TBC1D8B: variants seen among roughly 807,000 people sequenced by gnomAD.
TBC1D8B encodes the protein RP11-321G1.1.
TBC1D8B carries 75 observed loss-of-function variants against 82.9 expected under a neutral mutation model. The observed-to-expected ratio is 0.90, with a 90% CI of 0.75 to 1.10. TBC1D8B has a LOEUF of 1.10. TBC1D8B is among the 50% of genes least tolerant of loss of function. The probability of loss-of-function intolerance (pLI) is 0.00; values close to 1 mark genes in which losing one functional copy is unlikely to be tolerated. For missense variants in TBC1D8B, 794 were observed against 796.9 expected (o/e 1.00, Z 0.04); for synonymous variants, 276 against 276.8 (o/e 1.00, Z 0.03).
intron 14 of TBC1D8B, among the ~76,000 whole-genome samples, chrX:106,854,929 A>G (rs1173818577): frequency 5.3e-5 from 6 of 112,331 alleles, no homozygotes; most frequent in Non-Finnish European, 1.1e-4. Context: ...AATGAATATT[A>G]TTATCCTTGG....
At chrX:106,862,779 T>G (rs953010619) in intron 14 of TBC1D8B, among the ~76,000 whole-genome samples, 1 of 92,498 alleles carries the variant, frequency 1.1e-5, no homozygotes, top group Non-Finnish European at 2.1e-5. Context: ...TTTTTTTGTT[T>G]TTTTTTTTTT....
rs1342167978 is a variant in TBC1D8B at position 106,853,591 on chromosome X, G to A, written c.2194G>A (p.Asp732Asn). ...SNVQQGSNVS[D>N]EKTSHTRVDI... ...TGTTCAGCAAGGTTCAAATGTGAGTGATGAAAAAACCAGTCATACTAGAGT... is the reference window on the plus strand; with the variant it reads ...TGTTCAGCAAGGTTCAAATGTGAGTAATGAAAAAACCAGTCATACTAGAGT... Residue 732 changes from aspartate (D) to asparagine (N), a missense_variant, in exon 13 of 21, where the codon GAT becomes AAT. Coordinates refer to ENST00000357242, the MANE Select transcript of TBC1D8B (RefSeq NM_017752.3). 5.8e-6 allele frequency: 7 copies of A among 1,207,309 alleles called. No homozygotes were observed. The African/African-American group carries it at 1.2e-4, about 21-fold the overall frequency.
chrX:106,813,014 T>G (rs1278285948), intron 1 of TBC1D8B, among the ~76,000 whole-genome samples: 1 of 110,546 alleles, frequency 9.0e-6, no homozygotes, highest in African/African-American at 3.3e-5. Flanking sequence ...CCTGCCACCA[T>G]GCCCAGCTAA....
At chrX:106,854,499 C>T (rs1431937081) in intron 14 of TBC1D8B, among the ~76,000 whole-genome samples, 1 of 110,962 alleles carries the variant, frequency 9.0e-6, no homozygotes, top group African/African-American at 3.3e-5. Context: ...CTTTCTCCAA[C>T]ATGTTTTGTA....
chrX:106,868,479 A>G lies in TBC1D8B; in HGVS notation c.2812+3A>G. ...ACTTTATTTCAGTCAGCTGCATGGT[A>G]AATACCTGTTTAAAATGTTAACTGT... On this transcript the variant is annotated splice_donor_region_variant and intron_variant, in intron 18 of 20. Coordinates refer to ENST00000357242, the MANE Select transcript of TBC1D8B (RefSeq NM_017752.3). 1 of 977,082 alleles carries G rather than the reference A, an allele frequency of 1.0e-6. No individual in the cohort carries two copies. Among genetic ancestry groups the G allele is most frequent in the Non-Finnish European group, 1.3e-6 (1 of 760,628 alleles). The allele number at this position is 977,082 out of a possible 1,213,427, so 80.5% of individuals were successfully genotyped here. A position where few individuals can be genotyped will look rare whatever the true frequency, so the allele number is the denominator to read the frequency against.
intron 1 of TBC1D8B, chrX:106,814,224 A>G (rs1048445665): frequency 1.8e-5 from 2 of 111,071 alleles, no homozygotes; most frequent in African/African-American, 6.6e-5. Context: ...TCCATGGTGT[A>G]TATGTGCCAC....
chrX:106,854,130 C>A, intron 13 of TBC1D8B, 68 bp from the exon 14 acceptor site: 1 of 781,436 alleles, frequency 1.3e-6, no homozygotes. Flanking sequence ...TCTGATAAAA[C>A]TGAATTGTAA....
In TBC1D8B at chrX:106,827,298, C is replaced by T. The variant is rs766712957; in HGVS notation, c.1164C>T (p.Cys388=). 30 of 1,210,543 alleles carry T rather than the reference C, an allele frequency of 2.5e-5. No individual in the cohort carries two copies. The highest frequency in any genetic ancestry group is 8.9e-5 in the East Asian group (3 of 33,794). ...EQLVAKLRLR[C]GAASTQYHDI... ...TGGTAGCAAAACTCAGGCTCAGATG[C>T]GGAGCAGCTTCAACTCAATATCATG... The change falls in exon 7 of 21, where the codon TGC becomes TGT. Residue 388 remains cysteine (C), a synonymous_variant. Coordinates refer to ENST00000357242, the MANE Select transcript of TBC1D8B (RefSeq NM_017752.3).
At chrX:106,858,525 G>C (rs1318603734) in intron 14 of TBC1D8B, among the ~76,000 whole-genome samples, 2 of 112,333 alleles carry the variant, frequency 1.8e-5, no homozygotes, top group Admixed American at 1.9e-4. Context: ...ACCCGCCTCA[G>C]CCTCCCAAAG....
At chrX:106,816,266 A>G (rs1193678554) in intron 1 of TBC1D8B, among the ~76,000 whole-genome samples, 1 of 111,446 alleles carries the variant, frequency 9.0e-6, no homozygotes, top group Non-Finnish European at 1.9e-5. Flanking sequence ...ATACACCAAT[A>G]ACAAACAGAG....
At chrX:106,844,907 AT>A (rs1932401027) in intron 10 of TBC1D8B, among the ~76,000 whole-genome samples, 1 of 111,046 alleles carries the variant, frequency 9.0e-6, no homozygotes, top group Admixed American at 9.6e-5. Flanking sequence ...CAATCTCTTT[AT>A]TTATTATAGG....
At chrX:106,852,417 T>G (rs1389212943) in intron 12 of TBC1D8B, among the ~76,000 whole-genome samples, 9 of 108,421 alleles carry the variant, frequency 8.3e-5, no homozygotes, top group Non-Finnish European at 1.2e-4. Context: ...CTCTTTAGTT[T>G]AATTAGATCC....
At chrX:106,839,591 T>A in intron 8 of TBC1D8B, 134 bp downstream of exon 8, 1 of 543,439 alleles carries the variant, frequency 1.8e-6, no homozygotes, top group Non-Finnish European at 2.7e-6. Context: ...CAGGTACTAC[T>A]GTGTAACTTA....
Position 106,823,311 on chromosome X carries a change from C to A in TBC1D8B, c.672C>A (p.Ser224=), listed in dbSNP as rs772217563. Residue 224 remains serine, a synonymous_variant, in exon 5 of 21, where the codon TCC becomes TCA. Transcript: ENST00000357242. ...VILTESIHVC[S]QGENHYFSMF... Reference sequence around the variant, plus strand: ...TGACAGAGAGTATTCACGTGTGTTCCCAAGGAGAGAATCACTACTTTTCAA... The same window carrying A: ...TGACAGAGAGTATTCACGTGTGTTCACAAGGAGAGAATCACTACTTTTCAA... The A allele has an allele frequency of 4.1e-6, 5 of 1,209,876 alleles. No individual in the cohort carries two copies. The highest frequency in any genetic ancestry group is 5.6e-6 in the Non-Finnish European group (5 of 894,489).
intron 1 of TBC1D8B, among the ~76,000 whole-genome samples, chrX:106,811,253 G>A (rs931639466): frequency 4.5e-5 from 5 of 111,907 alleles, no homozygotes; most frequent in African/African-American, 6.5e-5. Flanking sequence ...GGCTGGGCAC[G>A]GTGACCCATG....
intron 1 of TBC1D8B, among the ~76,000 whole-genome samples, chrX:106,807,729 T>C (rs755067277): frequency 4.5e-4 from 50 of 110,879 alleles, no homozygotes; most frequent in Non-Finnish European, 7.9e-4. Context: ...TCCCTAGGTA[T>C]TGCCCTATGG....
In TBC1D8B at chrX:106,866,134, G is replaced by C. The variant is rs1171450107; in HGVS notation, c.2662+101G>C. On this transcript the variant is annotated intron_variant, in intron 16 of 20. Transcript: ENST00000357242. ...TCAGATTATATCACCATGGGTTACA[G>C]TGTGTTTAGCTTTAGTAATAAATGG... 3.5e-6 allele frequency: 3 copies of C among 863,055 alleles called. No homozygotes were observed. The African/African-American group carries it at 6.2e-5, about 18-fold the overall frequency. The allele number at this position is 863,055 out of a possible 1,213,427, so 71.1% of individuals were successfully genotyped here.
intron 10 of TBC1D8B, among the ~76,000 whole-genome samples, chrX:106,845,753 C>T (rs2147757026): frequency 9.0e-6 from 1 of 110,782 alleles, no homozygotes; most frequent in African/African-American, 3.3e-5. Flanking sequence ...TTTTCAAAGC[C>T]CCCACTTTTC....
chrX:106,830,786 C>G (rs780954999), intron 7 of TBC1D8B, among the ~76,000 whole-genome samples: 45 of 69,902 alleles, frequency 6.4e-4, no homozygotes, highest in Non-Finnish European at 1.0e-3. Context: ...CACACTCTGG[C>G]GACTGTGGTG....
Sources: allele counts gnomAD v4.1 joint callset (sites outside exome capture counted in the v4.1 genomes callset), GRCh38; gene constraint gnomAD v4.1.1; transcripts MANE v1.5; gene names NCBI Gene and HGNC (gene_info 2026-07-23, HGNC 2026-07-21).